TOP6BL: variants seen among roughly 807,000 people sequenced by gnomAD.
The protein encoded by TOP6BL is type 2 DNA topoisomerase 6 subunit B-like.
the TOP6BL span, among the ~76,000 whole-genome samples, chr11:66,780,194 AAT>A: frequency 6.6e-6 from 1 of 152,204 alleles, no homozygotes; most frequent in African/African-American, 2.4e-5. Flanking sequence ...AGAATAGGTA[AAT>A]AGTGTTTTTT....
At chr11:66,744,825 C>CGGCGGCGGCGGT in the TOP6BL span, 2 of 1,291,794 alleles carry the variant, frequency 1.5e-6, no homozygotes, top group Non-Finnish European at 2.0e-6. Context: ...GAGGGGGCGG[C>CGGCGGCGGCGGT]GGCGGCGGCG....
chr11:66,803,336 C>T, the TOP6BL span, among the ~76,000 whole-genome samples: 1 of 152,280 alleles, frequency 6.6e-6, no homozygotes, highest in Non-Finnish European at 1.5e-5. Flanking sequence ...AGTCCCAGCA[C>T]TTTGGGAGGC....
the TOP6BL span, chr11:66,821,900 T>C: frequency 9.4e-7 from 1 of 1,068,258 alleles, no homozygotes; most frequent in Non-Finnish European, 1.3e-6. Flanking sequence ...GGTGATCTTG[T>C]AACACTGCAT....
At chr11:66,820,287 T>C in the TOP6BL span, among the ~76,000 whole-genome samples, 3 of 152,206 alleles carry the variant, frequency 2.0e-5, no homozygotes, top group East Asian at 3.8e-4. Flanking sequence ...TGGTGCCTTG[T>C]GGTAGAAAAT....
the TOP6BL span, among the ~76,000 whole-genome samples, chr11:66,793,444 GT>G: frequency 0.02 from 1,997 of 97,968 alleles, 37 homozygotes; most frequent in African/African-American, 0.068. Context: ...TTCTTTTTTT[GT>G]TTTTTTTTTT....
the TOP6BL span, chr11:66,843,141 C>T: frequency 1.2e-6 from 2 of 1,609,272 alleles, no homozygotes; most frequent in South Asian, 1.1e-5. Context: ...CTGAGAGGTC[C>T]TCACCCCGGG....
chr11:66,784,659 G>C, the TOP6BL span, among the ~76,000 whole-genome samples: 8 of 152,132 alleles, frequency 5.3e-5, no homozygotes, highest in Admixed American at 1.3e-4. Context: ...TTAGTGTGTG[G>C]GTTCTTTAAG....
At chr11:66,815,252 T>G in the TOP6BL span, among the ~76,000 whole-genome samples, 1 of 152,194 alleles carries the variant, frequency 6.6e-6, no homozygotes, top group African/African-American at 2.4e-5. Context: ...TTTTGCCAAT[T>G]CATGGTCCTG....
At chr11:66,825,036 G>A in the TOP6BL span, among the ~76,000 whole-genome samples, 2,381 of 151,842 alleles carry the variant, frequency 0.016, 39 homozygotes, top group South Asian at 0.043. Flanking sequence ...ACTTAATTTC[G>A]TATTTTCAGT....
At chr11:66,824,577 C>G in the TOP6BL span, among the ~76,000 whole-genome samples, 1 of 150,924 alleles carries the variant, frequency 6.6e-6, no homozygotes, top group Non-Finnish European at 1.5e-5. Context: ...GGTATACCTC[C>G]TAATGCTATC....
At chr11:66,842,852 C>T in the TOP6BL span, 1 of 1,565,372 alleles carries the variant, frequency 6.4e-7, no homozygotes, top group Non-Finnish European at 8.6e-7. Flanking sequence ...CTCCTAGATA[C>T]CAGCGGGCAA....
the TOP6BL span, among the ~76,000 whole-genome samples, chr11:66,750,946 C>G: frequency 6.6e-6 from 1 of 151,846 alleles, no homozygotes; most frequent in South Asian, 2.1e-4. Context: ...CTCAAGCAGT[C>G]CTCTCACTTT....
the TOP6BL span, among the ~76,000 whole-genome samples, chr11:66,753,233 A>AT: frequency 6.6e-6 from 1 of 152,022 alleles, no homozygotes; most frequent in Non-Finnish European, 1.5e-5. Context: ...GCAGGCAAGT[A>AT]TTTTGTTTTA....
the TOP6BL span, chr11:66,756,452 TC>T: frequency 9.3e-7 from 1 of 1,078,740 alleles, no homozygotes; most frequent in Non-Finnish European, 1.2e-6. Context: ...CATGCCTCAG[TC>T]CCCCGAGTAG....
chr11:66,761,511 A>G, the TOP6BL span: 2 of 710,848 alleles, frequency 2.8e-6, no homozygotes, highest in Non-Finnish European at 4.1e-6. Flanking sequence ...GTCTAGCTTC[A>G]TAGTAGGATT....
At chr11:66,835,859 G>A in the TOP6BL span, among the ~76,000 whole-genome samples, 5 of 152,188 alleles carry the variant, frequency 3.3e-5, no homozygotes, top group South Asian at 2.1e-4. Context: ...ATGCTGTTAC[G>A]AACAGCATAT....
At chr11:66,771,182 T>G in the TOP6BL span, 1 of 151,462 alleles carries the variant, frequency 6.6e-6, no homozygotes, top group Non-Finnish European at 1.5e-5. Context: ...TTTTTTTTTT[T>G]AGAGATGAGG....
At chr11:66,833,730 T>C in the TOP6BL span, among the ~76,000 whole-genome samples, 1 of 152,038 alleles carries the variant, frequency 6.6e-6, no homozygotes. Flanking sequence ...GGTGGATCAC[T>C]TGAGGTCAGG....
the TOP6BL span, among the ~76,000 whole-genome samples, chr11:66,802,722 C>T: frequency 2.6e-5 from 4 of 152,176 alleles, no homozygotes; most frequent in South Asian, 8.3e-4. Context: ...CTTATTCTCA[C>T]CCAAAATTAC....
Sources: allele counts gnomAD v4.1 joint callset (sites outside exome capture counted in the v4.1 genomes callset), GRCh38; gene constraint gnomAD v4.1.1; transcripts MANE v1.5; gene names NCBI Gene and HGNC (gene_info 2026-07-23, HGNC 2026-07-21).